The following HSD17B12 variants were observed in gnomAD, a reference collection of about 807,000 sequenced individuals.
HSD17B12 encodes the protein very-long-chain 3-oxoacyl-CoA reductase.
In HSD17B12, 32 loss-of-function variants were observed where a neutral mutation model predicts 39.3. The observed-to-expected ratio is 0.81, with a 90% CI of 0.61 to 1.09. The LOEUF is 1.09. HSD17B12 is among the 50% of genes least tolerant of loss of function. HSD17B12 has a pLI of 0.00. For missense variants in HSD17B12, 342 were observed against 382.9 expected, an observed-to-expected ratio of 0.89 and a Z score of 0.89; for synonymous variants, 150 against 146.7, an observed-to-expected ratio of 1.02 and a Z score of -0.16.
intron 9 of HSD17B12, among the ~76,000 whole-genome samples, chr11:43,840,809 A>G (rs554824306): frequency 6.6e-6 from 1 of 152,300 alleles, no homozygotes; most frequent in African/African-American, 2.4e-5. Flanking sequence ...CCTGTTGGGT[A>G]TTGTAAATAA....
At chr11:43,657,049 G>T in the HSD17B12 span, among the ~76,000 whole-genome samples, 1 of 152,110 alleles carries the variant, frequency 6.6e-6, no homozygotes, top group Non-Finnish European at 1.5e-5. Flanking sequence ...TCTCTTTGTA[G>T]GTCACTAAGG....
At chr11:43,809,218 A>G (rs1951046523) in intron 4 of HSD17B12, among the ~76,000 whole-genome samples, 1 of 152,254 alleles carries the variant, frequency 6.6e-6, no homozygotes, top group African/African-American at 2.4e-5. Context: ...ATTTATTAAC[A>G]TATTACTACG....
rs1391779331 is a variant in HSD17B12, at chr11:43,831,162, G to C, written c.536+152G>C. The C allele has an allele frequency of 3.6e-5, 21 of 580,188 alleles. No individual in the cohort carries two copies. Among genetic ancestry groups the C allele is most frequent in the Non-Finnish European group, 2.1e-5 (7 of 339,170 alleles). The allele number at this position is 580,188 out of a possible 1,614,324, so 35.9% of individuals were successfully genotyped here. ...GTGATGTACCAGGCGAGTCACAGTAGAGCATGAGTCATCGGTGGTGGAGGC... is the reference window on the plus strand; with the variant it reads ...GTGATGTACCAGGCGAGTCACAGTACAGCATGAGTCATCGGTGGTGGAGGC... On this transcript the variant is annotated intron_variant, in intron 7 of 10. Transcript: ENST00000278353. This position sits in a 1 kb window ranked among gnomAD's most constrained non-coding sequence, Gnocchi z 4.1.
rs138774948 is a variant in HSD17B12, at chr11:43,771,027, C to T, written c.283+16906C>T. Among the ~76,000 whole-genome samples the T allele has an allele frequency of 2.3e-3, 350 of 152,194 alleles. 2 individuals are homozygous for T. Among genetic ancestry groups the T allele is most frequent in the African/African-American group, 7.9e-3 (326 of 41,518 alleles). On this transcript the variant is annotated intron_variant, in intron 3 of 10. Coordinates refer to ENST00000278353, the MANE Select transcript of HSD17B12 (RefSeq NM_016142.3). The stretch of plus-strand genomic sequence containing the variant: ...CGGACATAGGAAAATCACAAAAATA[C>T]GCATGTACAGGTTAGTGAGTGATTA...
chr11:43,801,595 GATATATATATATATATATATAT>G (rs55674379), intron 4 of HSD17B12, among the ~76,000 whole-genome samples: 2 of 72,796 alleles, frequency 2.7e-5, no homozygotes, highest in East Asian at 4.3e-4. Flanking sequence ...GATAGTTGGA[GATATATATATATATATATATAT>G]ATATATATAT....
chr11:43,721,283 T>C (rs1247535589), intron 1 of HSD17B12, among the ~76,000 whole-genome samples: 1 of 151,928 alleles, frequency 6.6e-6, no homozygotes, highest in Non-Finnish European at 1.5e-5. Context: ...GACATGACGT[T>C]GAGTGGCCTT....
intron 3 of HSD17B12, among the ~76,000 whole-genome samples, chr11:43,785,386 A>G (rs901932407): frequency 3.3e-5 from 5 of 152,232 alleles, no homozygotes; most frequent in Non-Finnish European, 5.9e-5. Context: ...AGTTAATATT[A>G]CATGAAAACT....
intron 3 of HSD17B12, among the ~76,000 whole-genome samples, chr11:43,780,382 G>C (rs1950753328): frequency 6.6e-6 from 1 of 152,056 alleles, no homozygotes; most frequent in Non-Finnish European, 1.5e-5. Flanking sequence ...TGACCAGGCT[G>C]ATCTCAAACT....
At chr11:43,765,214 G>A (rs1950585117) in intron 3 of HSD17B12, among the ~76,000 whole-genome samples, 1 of 151,348 alleles carries the variant, frequency 6.6e-6, no homozygotes, top group South Asian at 2.1e-4. Context: ...CTTGTAGTCT[G>A]GTCTGCTGAT....
At chr11:43,701,456 T>G (rs373061720) in intron 1 of HSD17B12, among the ~76,000 whole-genome samples, 16 of 152,224 alleles carry the variant, frequency 1.1e-4, no homozygotes, top group Admixed American at 3.3e-4. Flanking sequence ...TGTGGTAGTT[T>G]CATAGTTTGA....
At chr11:43,660,953 C>T in the HSD17B12 span, among the ~76,000 whole-genome samples, 2 of 152,170 alleles carry the variant, frequency 1.3e-5, no homozygotes, top group East Asian at 1.9e-4. Context: ...GGCGAAACCC[C>T]GTCTCTACTA....
intron 6 of HSD17B12, among the ~76,000 whole-genome samples, chr11:43,823,746 T>C (rs548259944): frequency 1.3e-5 from 2 of 152,306 alleles, no homozygotes; most frequent in South Asian, 4.2e-4. Context: ...AATAAATGAA[T>C]GATTTTTTAA....
chr11:43,578,774 A>T, the HSD17B12 span: 21 of 150,136 alleles, frequency 1.4e-4, no homozygotes. Flanking sequence ...GGTTGGGGGG[A>T]GGTGTCCAAG....
chr11:43,768,315 T>G (rs555491913), intron 3 of HSD17B12, among the ~76,000 whole-genome samples: 1 of 152,228 alleles, frequency 6.6e-6, no homozygotes, highest in Non-Finnish European at 1.5e-5. Flanking sequence ...ATTTAATTGA[T>G]ATATACAATA....
intron 1 of HSD17B12, among the ~76,000 whole-genome samples, chr11:43,749,437 A>AT (rs1950445309): frequency 1.3e-5 from 2 of 152,206 alleles, no homozygotes; most frequent in Middle Eastern, 3.4e-3. Flanking sequence ...TATTGTGGCT[A>AT]TTTTTCATAG....
intron 3 of HSD17B12, among the ~76,000 whole-genome samples, chr11:43,757,045 A>T (rs1950513091): frequency 6.6e-6 from 1 of 152,244 alleles, no homozygotes; most frequent in Admixed American, 6.5e-5. Flanking sequence ...TTCTGTTCTA[A>T]GCTGAAAAAA....
At chr11:43,850,755 G>A (rs1951522976) in intron 9 of HSD17B12, among the ~76,000 whole-genome samples, 1 of 152,178 alleles carries the variant, frequency 6.6e-6, no homozygotes, top group Admixed American at 6.5e-5. Flanking sequence ...GCTCCAGTGG[G>A]TGAGAAAAAA....
At chr11:43,724,211 T>C (rs1395091071) in intron 1 of HSD17B12, 1 of 144,510 alleles carries the variant, frequency 6.9e-6, no homozygotes, top group Non-Finnish European at 1.5e-5. Context: ...TATATTTATG[T>C]GTATGCTCTG....
chr11:43,792,152 G>A (rs1950873470), intron 3 of HSD17B12, among the ~76,000 whole-genome samples: 1 of 152,190 alleles, frequency 6.6e-6, no homozygotes, highest in Non-Finnish European at 1.5e-5. Flanking sequence ...GGGATGTAAG[G>A]ATACGGTAAG....
Sources: allele counts gnomAD v4.1 joint callset (sites outside exome capture counted in the v4.1 genomes callset), GRCh38; gene constraint gnomAD v4.1.1; non-coding constraint Gnocchi (gnomAD v3.1); transcripts MANE v1.5; gene names NCBI Gene and HGNC (gene_info 2026-07-23, HGNC 2026-07-21).